CIITA: variants seen among roughly 807,000 people sequenced by gnomAD.
CIITA encodes the protein MHC class II transactivator.
A neutral mutation model predicts 115.1 loss-of-function variants in CIITA; 72 were observed. That is an observed-to-expected ratio of 0.63 (90% CI 0.52 to 0.76). CIITA has a LOEUF of 0.76. CIITA is among the 30% of genes least tolerant of loss of function. The pLI, the probability that CIITA is intolerant of heterozygous loss-of-function variation, is 0.00. For synonymous variants in CIITA, 763 were observed against 635.6 expected (o/e 1.20, Z -3.02); for missense variants, 1,617 against 1,463.8 (o/e 1.10, Z -1.71).
rs1001533892 is a variant in CIITA, at chr16:10,895,559, G to A, written c.200-110G>A. 24 of 1,545,592 alleles carry A rather than the reference G, an allele frequency of 1.6e-5. No homozygotes were observed. In the East Asian group the frequency reaches 2.3e-4, roughly 15 times the overall value. On this transcript the variant is annotated intron_variant, in intron 2 of 19. Transcript: ENST00000324288. ...CGGACAGCTCCCACGTCTGTGGGAC[G>A]CTCTCTGCAGATGGGGATGATCTCC... is the stretch of plus-strand genomic sequence containing the variant.
At chr16:10,899,851 G>A (rs147469142) in intron 5 of CIITA, among the ~76,000 whole-genome samples, 2 of 152,160 alleles carry the variant, frequency 1.3e-5, no homozygotes, top group East Asian at 3.9e-4. Flanking sequence ...AGGCCAAGGG[G>A]GACGGATCAC....
At chr16:10,905,900 A>G (rs1410618453) in intron 10 of CIITA, among the ~76,000 whole-genome samples, 1 of 151,938 alleles carries the variant, frequency 6.6e-6, no homozygotes, top group Admixed American at 6.6e-5. Context: ...TGAAGACTGT[A>G]TGGGGGCCAG....
chr16:10,889,834 G>T (rs1030012211), intron 1 of CIITA, among the ~76,000 whole-genome samples: 1 of 152,208 alleles, frequency 6.6e-6, no homozygotes, highest in Non-Finnish European at 1.5e-5. Context: ...TGGGAAAACT[G>T]ATGTTCAGAG....
chr16:10,911,756 GC>G (rs2039599053), intron 13 of CIITA, among the ~76,000 whole-genome samples: 1 of 151,624 alleles, frequency 6.6e-6, no homozygotes, highest in Non-Finnish European at 1.5e-5. Flanking sequence ...TCACCATGTT[GC>G]CCAGTCTGGT....
intron 1 of CIITA, among the ~76,000 whole-genome samples, chr16:10,869,300 G>A (rs752207069): frequency 2.0e-5 from 3 of 152,090 alleles, no homozygotes; most frequent in African/African-American, 2.4e-5. Flanking sequence ...TGGCACCCTC[G>A]CTGTTCCTTA....
intron 1 of CIITA, among the ~76,000 whole-genome samples, chr16:10,880,892 G>A (rs2143624567): frequency 6.6e-6 from 1 of 152,306 alleles, no homozygotes; most frequent in East Asian, 1.9e-4. Flanking sequence ...GATGTCTGAT[G>A]TGTACAGAAA....
chr16:10,907,419 G>T lies in CIITA; in HGVS notation c.1927G>T (p.Gly643Cys), dbSNP rs949731275. The T allele has an allele frequency of 1.2e-6, 2 of 1,613,016 alleles. No homozygotes were observed. The highest frequency in any genetic ancestry group is 1.7e-6 in the Non-Finnish European group (2 of 1,179,822). Residue 643 changes from glycine to cysteine, a missense_variant, in exon 11 of 20, where the codon GGC (glycine) becomes TGC (cysteine). Coordinates refer to ENST00000324288, the MANE Select transcript of CIITA (RefSeq NM_000246.4). The surrounding 1 kb of genome is among the most constrained non-coding windows in gnomAD (Gnocchi z 5.0). ...LPSTLTGLYV[G>C]LLGRAALDSP... is the part of the protein sequence containing the mutation. Reference sequence around the variant, plus strand: ...CTCCACGCTCACGGGACTCTATGTCGGCCTGCTGGGCCGTGCAGCCCTCGA... The same window carrying T: ...CTCCACGCTCACGGGACTCTATGTCTGCCTGCTGGGCCGTGCAGCCCTCGA...
intron 1 of CIITA, among the ~76,000 whole-genome samples, chr16:10,886,819 A>G (rs2036998817): frequency 6.6e-6 from 1 of 152,226 alleles, no homozygotes; most frequent in Non-Finnish European, 1.5e-5. Flanking sequence ...TTGCAAAGTC[A>G]CACAGCAAGT....
At position 10,925,288 on chromosome 16, in the gene CIITA, T is replaced by A. The variant is rs1393263127; in HGVS notation, c.*1433T>A. 1 of 152,178 alleles carries A rather than the reference T, an allele frequency of 6.6e-6. No homozygotes were observed. Among genetic ancestry groups the A allele is most frequent in the Non-Finnish European group, 1.5e-5 (1 of 68,044 alleles). The allele number at this position is 152,178 out of a possible 1,614,324, so 9.4% of individuals were successfully genotyped here. ...ACTTTTCATAACCTAGCCTTAGAAG[T>A]CACACAGTATTACTTCTGCTACATA... On this transcript the variant is annotated 3_prime_UTR_variant, in exon 20 of 20. Transcript: ENST00000324288.
intron 5 of CIITA, among the ~76,000 whole-genome samples, chr16:10,899,961 A>G (rs1426480358): frequency 6.6e-6 from 1 of 152,084 alleles, no homozygotes; most frequent in Admixed American, 6.5e-5. Context: ...CACGCCTGTA[A>G]TCCCAGCTAC....
chr16:10,898,589 G>A (rs535442024), intron 3 of CIITA, 81 bp from the exon 4 acceptor site: 4 of 1,312,538 alleles, frequency 3.0e-6, no homozygotes, highest in African/African-American at 1.5e-5. Context: ...AGGCCCAGAG[G>A]TTCCCCAGCC....
At chr16:10,914,090 TC>T (rs938401125) in intron 13 of CIITA, among the ~76,000 whole-genome samples, 11 of 152,150 alleles carry the variant, frequency 7.2e-5, no homozygotes, top group Non-Finnish European at 1.5e-4. Context: ...CTGTCTATCT[TC>T]CCCCCTGGAA....
chr16:10,871,922 C>T (rs1387058733), intron 1 of CIITA, among the ~76,000 whole-genome samples: 2 of 152,322 alleles, frequency 1.3e-5, no homozygotes, highest in South Asian at 2.1e-4. Flanking sequence ...ACAGCTTGCC[C>T]CCAAGCCTGG....
rs1451755088 is a variant in CIITA, at chr16:10,901,511, C to T, written c.437-3C>T. ...GGCAGCTGATCACATGTTTTCTCTG[C>T]AGCCTTCCCAGAGGAGCTTCCGGCA... On this transcript the variant is annotated splice_polypyrimidine_tract_variant and splice_region_variant and intron_variant, in intron 5 of 19. Coordinates refer to ENST00000324288, the MANE Select transcript of CIITA (RefSeq NM_000246.4). This position sits in a 1 kb window ranked among gnomAD's most constrained non-coding sequence, Gnocchi z 6.8. 1 of 1,614,058 alleles carries T rather than the reference C, an allele frequency of 6.2e-7. No homozygotes were observed. Among genetic ancestry groups the T allele is most frequent in the Non-Finnish European group, 8.5e-7 (1 of 1,180,010 alleles).
rs143689444 is a variant in CIITA at position 10,888,131 on chromosome 16, G to T, written c.53-7151G>T. On this transcript the variant is annotated intron_variant, in intron 1 of 19. Coordinates refer to ENST00000324288, the MANE Select transcript of CIITA (RefSeq NM_000246.4). ...AATAAAAATGGTCATCACGCATATT[G>T]TACTCACCATGCAGAAGTTGTGCTG... is the stretch of plus-strand genomic sequence containing the variant. 2.0e-5 allele frequency among the ~76,000 whole-genome samples: 3 copies of T among 152,280 alleles called. No individual in the cohort carries two copies. In the East Asian group the frequency reaches 5.8e-4, roughly 29 times the overall value.
Position 10,879,595 on chromosome 16 carries a change from C to CT in CIITA, c.52+2214dup, listed in dbSNP as rs2036210138. On this transcript the variant is annotated intron_variant, in intron 1 of 19. Coordinates refer to ENST00000324288, the MANE Select transcript of CIITA (RefSeq NM_000246.4). The surrounding 1 kb of genome is among the most constrained non-coding windows in gnomAD (Gnocchi z 4.3). ...CAGAGGATGGGATAAGTCCTCAACT[C>CT]TCGTTGAACATCTTGGCGAAGGTGT... 2.6e-5 allele frequency among the ~76,000 whole-genome samples: 4 copies of CT among 151,454 alleles called. No homozygotes were observed. In the South Asian group the frequency reaches 8.4e-4, roughly 32 times the overall value.
At chr16:10,898,563 G>A (rs1217762676) in intron 3 of CIITA, 107 bp from the exon 4 acceptor site, 1 of 730,448 alleles carries the variant, frequency 1.4e-6, no homozygotes, top group African/African-American at 1.8e-5. Context: ...CATTTCTTGA[G>A]TCCCCACTGT....
rs1596553941 is a variant in CIITA at position 10,907,502 on chromosome 16, A to T, written c.2010A>T (p.Arg670Ser). ...LAKLAWELGR[R>S]HQSTLQEDQF... ...AGCTGGCCTGGGAGCTGGGCCGCAG[A>T]CATCAAAGTACCCTACAGGAGGACC... Residue 670 changes from arginine to serine, a missense_variant, in exon 11 of 20, where the codon AGA (arginine) becomes AGT (serine). Transcript: ENST00000324288. This position sits in a 1 kb window ranked among gnomAD's most constrained non-coding sequence, Gnocchi z 5.0. The T allele has an allele frequency of 3.7e-6, 6 of 1,613,852 alleles. No individual in the cohort carries two copies. The highest frequency in any genetic ancestry group is 5.1e-6 in the Non-Finnish European group (6 of 1,179,964).
chr16:10,909,764 C>T (rs142182108), intron 12 of CIITA, among the ~76,000 whole-genome samples: 15 of 152,246 alleles, frequency 9.9e-5, no homozygotes, highest in African/African-American at 2.9e-4. Context: ...GACAGGGTCT[C>T]GCTGTGTCTA....
Sources: gnomAD v4.1 joint callset for allele counts (sites outside exome capture counted in the v4.1 genomes callset) on GRCh38, gnomAD v4.1.1 for gene constraint, Gnocchi (gnomAD v3.1) non-coding constraint, MANE v1.5 for transcripts, NCBI Gene and HGNC (gene_info 2026-07-23, HGNC 2026-07-21) for gene names.